The following MCTP1 variants were observed in gnomAD, a reference collection of about 807,000 sequenced individuals.
MCTP1 encodes multiple C2 and transmembrane domain containing 1.
Under a neutral mutation model 120.6 loss-of-function variants are expected in MCTP1, and 69 were observed. That is an observed-to-expected ratio of 0.57 (90% CI 0.47 to 0.70). The LOEUF (loss-of-function observed/expected upper bound fraction) is 0.70. MCTP1 is among the 30% of genes least tolerant of loss of function. The probability of loss-of-function intolerance (pLI) is 0.00; values close to 1 mark genes in which losing one functional copy is unlikely to be tolerated. For missense variants in MCTP1, 1,203 were observed against 1,248.8 expected (o/e 0.96, Z 0.55); for synonymous variants, 529 against 493.1 (o/e 1.07, Z -0.96).
At chr5:95,090,325 A>C (rs2152340306) in intron 1 of MCTP1, among the ~76,000 whole-genome samples, 1 of 152,360 alleles carries the variant, frequency 6.6e-6, no homozygotes, top group South Asian at 2.1e-4. Context: ...TCAATTAAAA[A>C]AAATTGGTGC....
chr5:95,067,634 T>G (rs768933243), intron 1 of MCTP1, among the ~76,000 whole-genome samples: 1 of 152,044 alleles, frequency 6.6e-6, no homozygotes, highest in East Asian at 1.9e-4. Context: ...TAAATATATA[T>G]TTTGTTAGGA....
chr5:95,163,843 T>A (rs563035051), intron 1 of MCTP1, among the ~76,000 whole-genome samples: 37 of 152,268 alleles, frequency 2.4e-4, no homozygotes, highest in African/African-American at 8.9e-4. Flanking sequence ...AAAGAAAAAA[T>A]TTAAATGATG....
rs1012807152 is a variant in MCTP1 at position 95,174,876 on chromosome 5, G to C, written c.720+108980C>G. ...ATGTGTACATCTTATTTGGTTACTA[G>C]AAAGCCATTTGTATTTTTCTTCTTA... On this transcript the variant is annotated intron_variant, in intron 1 of 22. Coordinates refer to ENST00000515393, the MANE Select transcript of MCTP1 (RefSeq NM_024717.7). Among the ~76,000 whole-genome samples the C allele has an allele frequency of 6.1e-4, 93 of 152,280 alleles. 1 individual carries two copies. The highest frequency in any genetic ancestry group is 2.2e-3 in the African/African-American group (91 of 41,556).
chr5:95,248,477 T>C (rs2152693112), intron 1 of MCTP1, among the ~76,000 whole-genome samples: 1 of 152,270 alleles, frequency 6.6e-6, no homozygotes, highest in Admixed American at 6.5e-5. Flanking sequence ...GTGAAGGATC[T>C]CTTTAAGGAG....
At chr5:95,236,716 T>A (rs1755583056) in intron 1 of MCTP1, among the ~76,000 whole-genome samples, 1 of 152,134 alleles carries the variant, frequency 6.6e-6, no homozygotes, top group Non-Finnish European at 1.5e-5. Flanking sequence ...ACTATTTGTC[T>A]CCCTCCGAAA....
chr5:94,781,816 T>C (rs556385756), intron 18 of MCTP1, among the ~76,000 whole-genome samples: 4 of 152,282 alleles, frequency 2.6e-5, no homozygotes, highest in South Asian at 2.1e-4. Flanking sequence ...GCTCCACAAA[T>C]GTGCAGCCAG....
chr5:95,121,472 T>C (rs1027358073), intron 1 of MCTP1, among the ~76,000 whole-genome samples: 8 of 151,480 alleles, frequency 5.3e-5, no homozygotes, highest in African/African-American at 1.9e-4. Context: ...ATGAAAACTA[T>C]AAAACACAGA....
intron 19 of MCTP1, among the ~76,000 whole-genome samples, chr5:94,766,897 T>C (rs551973531): frequency 2.6e-5 from 4 of 152,210 alleles, no homozygotes; most frequent in South Asian, 2.1e-4. Context: ...TTTCAAACAA[T>C]TGAAAGGACG....
chr5:95,136,763 C>A (rs943280300), intron 1 of MCTP1, among the ~76,000 whole-genome samples: 11 of 152,146 alleles, frequency 7.2e-5, no homozygotes, highest in African/African-American at 2.2e-4. Context: ...CAGAATCTCA[C>A]AATTAGGAAG....
At chr5:94,905,949 A>G (rs1166389011) in intron 10 of MCTP1, among the ~76,000 whole-genome samples, 2 of 152,148 alleles carry the variant, frequency 1.3e-5, no homozygotes, top group Non-Finnish European at 2.9e-5. Context: ...AGGAGACAAG[A>G]AAGAGCATGC....
At chr5:95,033,459 C>A (rs945029765) in intron 1 of MCTP1, among the ~76,000 whole-genome samples, 9 of 152,006 alleles carry the variant, frequency 5.9e-5, no homozygotes, top group African/African-American at 1.9e-4. Flanking sequence ...ACCACATAAA[C>A]AGAATAAGAA....
At position 94,912,791 on chromosome 5, in the gene MCTP1, T is replaced by G. The variant is rs556629814; in HGVS notation, c.1521+15A>C. 6.5e-7 allele frequency: 1 copy of G among 1,533,242 alleles called. No homozygotes were observed. Among genetic ancestry groups the G allele is most frequent in the Non-Finnish European group, 8.8e-7 (1 of 1,140,404 alleles). The allele number at this position is 1,533,242 out of a possible 1,614,324, so 95.0% of individuals were successfully genotyped here. A position where few individuals can be genotyped will look rare whatever the true frequency, so the allele number is the denominator to read the frequency against. On this transcript the variant is annotated intron_variant, in intron 9 of 22. Coordinates refer to ENST00000515393, the MANE Select transcript of MCTP1 (RefSeq NM_024717.7). ...CTTCCAAATATTGACAGGAACACAA[T>G]AGAGACAAGGTTACCTTGCTCTTGT...
intron 2 of MCTP1, among the ~76,000 whole-genome samples, chr5:95,015,405 C>T (rs2153664359): frequency 6.6e-6 from 1 of 152,140 alleles, no homozygotes; most frequent in African/African-American, 2.4e-5. Flanking sequence ...TAGTTAAAGA[C>T]TTTAAATTAA....
At chr5:95,128,918 G>A (rs1000680488) in intron 1 of MCTP1, among the ~76,000 whole-genome samples, 4 of 152,186 alleles carry the variant, frequency 2.6e-5, no homozygotes, top group African/African-American at 4.8e-5. Flanking sequence ...GCCCTAAGTG[G>A]CAACCTGGGG....
At chr5:94,715,643 G>A (rs1200407062) in intron 19 of MCTP1, among the ~76,000 whole-genome samples, 1 of 152,104 alleles carries the variant, frequency 6.6e-6, no homozygotes, top group African/African-American at 2.4e-5. Context: ...CCTAGAGAGT[G>A]GTGTGACCCT....
rs554022547 is a variant in MCTP1 at position 95,045,745 on chromosome 5, A to G, written c.721-28261T>C. On this transcript the variant is annotated intron_variant, in intron 1 of 22. Transcript: ENST00000515393. ...TGCAAACATATACCAAACATGTGAT[A>G]TATGGTTACATCATAATTTCTGACA... Among the ~76,000 whole-genome samples the G allele has an allele frequency of 1.1e-3, 160 of 152,290 alleles. 1 individual carries two copies. Among genetic ancestry groups the G allele is most frequent in the African/African-American group, 3.7e-3 (155 of 41,580 alleles).
rs186004528 is a variant in MCTP1, at chr5:94,799,927, C to G, written c.2437-795G>C. 2.6e-5 allele frequency among the ~76,000 whole-genome samples: 4 copies of G among 152,214 alleles called. No homozygotes were observed. The East Asian group carries it at 7.7e-4, about 29-fold the overall frequency. On this transcript the variant is annotated intron_variant, in intron 17 of 22. Transcript: ENST00000515393. ...ATGACTCACCCCCACCCGACACCAG[C>G]CTTGTAATCCTGGACAGATCATTTA... is the stretch of plus-strand genomic sequence containing the variant.
intron 1 of MCTP1, among the ~76,000 whole-genome samples, chr5:95,065,083 A>T (rs897476274): frequency 6.6e-6 from 1 of 152,182 alleles, no homozygotes; most frequent in African/African-American, 2.4e-5. Flanking sequence ...CATACATCTG[A>T]AAATAATAAC....
chr5:94,986,192 AAATGGCTGCAAAAGTAAATAAAT>A (rs146544275), intron 2 of MCTP1, among the ~76,000 whole-genome samples: 4,369 of 152,260 alleles, frequency 0.029, 217 homozygotes, highest in African/African-American at 0.1. Context: ...AAAATCATGA[AAATGGCTGCAAAAGTAAATAAAT>A]AAATAAATGC....
Sources: gnomAD v4.1 joint callset for allele counts (sites outside exome capture counted in the v4.1 genomes callset) on GRCh38, gnomAD v4.1.1 for gene constraint, MANE v1.5 for transcripts, NCBI Gene and HGNC (gene_info 2026-07-23, HGNC 2026-07-21) for gene names.